Variants in ABCC4 observed in about 807,000 individuals in gnomAD.
ABCC4 encodes ATP binding cassette subfamily C member 4 (PEL blood group).
ABCC4 carries 102 observed loss-of-function variants against 168.5 expected under a neutral mutation model. The observed-to-expected ratio is 0.61, with a 90% CI of 0.52 to 0.71. ABCC4 has a LOEUF of 0.71. Among genes scored for constraint, ABCC4 ranks in the 30% least tolerant of loss-of-function variants. The pLI is 0.00. For synonymous variants in ABCC4, 617 were observed against 590.7 expected (o/e 1.04, Z -0.65); for missense variants, 1,402 against 1,605.8 (o/e 0.87, Z 2.17).
rs1347241029 is a variant in ABCC4, at chr13:95,163,640, T to C, written c.2183A>G (p.Tyr728Cys). Residue 728 changes from tyrosine (Y) to cysteine (C), a missense_variant, in exon 17 of 31, where the codon TAT becomes TGT. Around this residue, in one of 3 missense-constraint regions of ABCC4, gnomAD observed 1,007 missense variants for 1,127.3 expected, o/e 0.89. Coordinates refer to ENST00000645237, the MANE Select transcript of ABCC4 (RefSeq NM_005845.5). ...ILLNTAAQVA[Y>C]VLQDWWLSYW... ...TGAAAGCCACCAATCTTGAAGCACA[T>C]AGGCAACCTAGGAGGGGAGAAACAA... 8 of 1,611,488 alleles carry C rather than the reference T, an allele frequency of 5.0e-6. No homozygotes were observed. Among genetic ancestry groups the C allele is most frequent in the African/African-American group, 2.7e-5 (2 of 74,734 alleles).
Position 95,071,797 on chromosome 13 carries a change from C to T in ABCC4, c.3075G>A (p.Trp1025Ter). The T allele has an allele frequency of 6.2e-7, 1 of 1,603,048 alleles. No individual in the cohort carries two copies. The change falls in exon 25 of 31, where the codon TGG becomes TGA. Residue 1025 changes from tryptophan (W) to a stop codon, truncating the protein, a stop_gained. Transcript: ENST00000645237. LOFTEE classifies it high-confidence loss of function. ...CTGGTGGTGGGCGTTTCTGATATTC[C>T]CAAGGTGCTTCTTTTTCAAGGTCTG... is the stretch of plus-strand genomic sequence containing the variant. Reference protein sequence around the residue: ...EYTDLEKEAPWEYQKRPPPAW... With the variant: ...EYTDLEKEAP
rs370516950 is a variant in ABCC4, at chr13:95,301,196, G to A, written c.74+45C>T. 166 of 1,540,162 alleles carry A rather than the reference G, an allele frequency of 1.1e-4. No individual in the cohort carries two copies. In the Middle Eastern group the frequency reaches 1.2e-3, roughly 11 times the overall value. ...GCGGCCCCGGGAGAGTGCGTCCGCGGCGCCAGCGGCTGCAGGGTGACCTGT... is the reference window on the plus strand; with the variant it reads ...GCGGCCCCGGGAGAGTGCGTCCGCGACGCCAGCGGCTGCAGGGTGACCTGT... On this transcript the variant is annotated intron_variant, in intron 1 of 30. Transcript: ENST00000645237.
intron 27 of ABCC4, 151 bp downstream of exon 27, chr13:95,052,944 T>C (rs2032900735): frequency 3.1e-6 from 2 of 653,750 alleles, no homozygotes; most frequent in Admixed American, 2.6e-5. Context: ...AGTATACACA[T>C]TATAGCATAT....
In ABCC4 at chr13:95,131,492, G is replaced by C. The variant is rs1751068; in HGVS notation, c.2456-15491C>G. On this transcript the variant is annotated intron_variant, in intron 19 of 30. Transcript: ENST00000645237. ...AAAATATAAAAAATTAGCTGGGCTT[G>C]GTGGTGCACGACTATAATCCCAGCT... is the stretch of plus-strand genomic sequence containing the variant. Among the ~76,000 whole-genome samples the C allele has an allele frequency of 3.8e-3, 581 of 152,264 alleles. 6 individuals are homozygous for C. The highest frequency in any genetic ancestry group is 0.013 in the African/African-American group (554 of 41,544).
intron 25 of ABCC4, among the ~76,000 whole-genome samples, chr13:95,071,116 C>G (rs777161428): frequency 4.6e-5 from 7 of 152,140 alleles, no homozygotes; most frequent in Non-Finnish European, 7.3e-5. Flanking sequence ...TAAGATGTGA[C>G]TTGCTCCTCC....
intron 10 of ABCC4, among the ~76,000 whole-genome samples, chr13:95,187,945 T>C (rs1398397538): frequency 1.3e-5 from 2 of 152,212 alleles, no homozygotes; most frequent in Admixed American, 6.5e-5. Context: ...CAGAAACTTC[T>C]GGAGGGCAGT....
intron 25 of ABCC4, among the ~76,000 whole-genome samples, chr13:95,069,438 T>C (rs1334441189): frequency 1.3e-5 from 2 of 152,228 alleles, no homozygotes; most frequent in Non-Finnish European, 2.9e-5. Context: ...AGGTACTTTA[T>C]GTACTTTTCA....
intron 20 of ABCC4, among the ~76,000 whole-genome samples, chr13:95,092,051 TA>T (rs1256105437): frequency 1.3e-5 from 2 of 152,102 alleles, no homozygotes; most frequent in Admixed American, 6.5e-5. Flanking sequence ...CAACAGCAGT[TA>T]AAAGAGACAA....
At chr13:95,177,009 C>T (rs1000754982) in intron 13 of ABCC4, among the ~76,000 whole-genome samples, 13 of 152,160 alleles carry the variant, frequency 8.5e-5, no homozygotes, top group East Asian at 5.8e-4. Context: ...AGAAACACCA[C>T]GTAAGAGTTG....
chr13:95,063,226 C>G (rs1353296364), intron 25 of ABCC4, among the ~76,000 whole-genome samples: 1 of 152,198 alleles, frequency 6.6e-6, no homozygotes, highest in African/African-American at 2.4e-5. Context: ...AATCTGTTTA[C>G]TGGCATTGAA....
chr13:95,218,923 GAA>G (rs11458386), intron 4 of ABCC4, among the ~76,000 whole-genome samples: 16,417 of 43,076 alleles, frequency 0.38, 1,826 homozygotes, highest in African/African-American at 0.49. Context: ...GAGAGAGAAA[GAA>G]AGAGAAAGAA....
intron 1 of ABCC4, among the ~76,000 whole-genome samples, chr13:95,263,771 C>A (rs1040312394): frequency 6.6e-6 from 1 of 150,510 alleles, no homozygotes; most frequent in African/African-American, 2.4e-5. Context: ...TACAGTGAGC[C>A]GAGATCGTGC....
chr13:95,030,568 C>T (rs576903865), intron 30 of ABCC4, among the ~76,000 whole-genome samples: 5 of 152,244 alleles, frequency 3.3e-5, no homozygotes, highest in African/African-American at 1.2e-4. Context: ...AAAATGAGGC[C>T]TTTAGGGTGG....
Position 95,116,045 on chromosome 13 carries a change from A to T in ABCC4, c.2456-44T>A, listed in dbSNP as rs2035368012. On this transcript the variant is annotated intron_variant, in intron 19 of 30. Coordinates refer to ENST00000645237, the MANE Select transcript of ABCC4 (RefSeq NM_005845.5). ...AAAAATTACTCATTTCCCCAGATAG[A>T]CCCTTTAAGAGAAACAATTCGCAAA... 8 of 1,410,804 alleles carry T rather than the reference A, an allele frequency of 5.7e-6. No homozygotes were observed. In the East Asian group the frequency reaches 1.6e-4, roughly 28 times the overall value. The allele number at this position is 1,410,804 out of a possible 1,614,324, so 87.4% of individuals were successfully genotyped here. A position where few individuals can be genotyped will look rare whatever the true frequency, so the allele number is the denominator to read the frequency against.
At chr13:95,037,910 G>A (rs2032189741) in intron 29 of ABCC4, among the ~76,000 whole-genome samples, 1 of 152,082 alleles carries the variant, frequency 6.6e-6, no homozygotes, top group South Asian at 2.1e-4. Context: ...CTGTTACCCA[G>A]ACTGGAGTGC....
At chr13:95,064,203 A>G (rs1334119771) in intron 25 of ABCC4, among the ~76,000 whole-genome samples, 1 of 146,590 alleles carries the variant, frequency 6.8e-6, no homozygotes. Flanking sequence ...ATCCTAGTTT[A>G]TACTTTATAG....
chr13:95,217,019 T>C (rs2039132877), intron 4 of ABCC4, among the ~76,000 whole-genome samples: 1 of 152,204 alleles, frequency 6.6e-6, no homozygotes, highest in African/African-American at 2.4e-5. Flanking sequence ...AATTATTGGT[T>C]ACTCTAGAAT....
chr13:95,083,803 G>A (rs1436115065), intron 20 of ABCC4, among the ~76,000 whole-genome samples: 1 of 152,098 alleles, frequency 6.6e-6, no homozygotes. Context: ...AATTATGAGC[G>A]TGAGCCACCA....
chr13:95,218,917 G>GAGAAAGAGAGAGAGAA (rs1566539317), intron 4 of ABCC4, among the ~76,000 whole-genome samples: 6 of 36,042 alleles, frequency 1.7e-4, no homozygotes, highest in African/African-American at 4.9e-4. Flanking sequence ...GAGAGAGAGA[G>GAGAAAGAGAGAGAGAA]AGAAAGAAAG....
Sources: gnomAD v4.1 joint callset for allele counts (sites outside exome capture counted in the v4.1 genomes callset) on GRCh38, gnomAD v4.1.1 for gene constraint, gnomAD v4.1.1 regional missense constraint, MANE v1.5 for transcripts, NCBI Gene and HGNC (gene_info 2026-07-23, HGNC 2026-07-21) for gene names.